Variants in MACROD2 observed in about 807,000 individuals in gnomAD.
MACROD2 encodes the protein mono-ADP ribosylhydrolase 2, also known as ADP-ribose glycohydrolase MACROD2.
Under a neutral mutation model 70.4 loss-of-function variants are expected in MACROD2, and 36 were observed. That is an observed-to-expected ratio of 0.51 (90% CI 0.39 to 0.68). The LOEUF is 0.68. Ranked by LOEUF, MACROD2 falls within the 30% of genes least tolerant of loss-of-function variation. The pLI is 0.00. For missense variants in MACROD2, 496 were observed against 538.4 expected, an observed-to-expected ratio of 0.92 and a Z score of 0.78; for synonymous variants, 172 against 178.8, an observed-to-expected ratio of 0.96 and a Z score of 0.30.
intron 5 of MACROD2, among the ~76,000 whole-genome samples, chr20:15,149,794 C>T (rs2076256132): frequency 6.6e-6 from 1 of 152,002 alleles, no homozygotes; most frequent in South Asian, 2.1e-4. Context: ...TGTAAGAATT[C>T]TGACTGCACA....
intron 6 of MACROD2, among the ~76,000 whole-genome samples, chr20:15,242,719 A>C (rs1435080253): frequency 6.6e-6 from 1 of 152,210 alleles, no homozygotes; most frequent in East Asian, 1.9e-4. Flanking sequence ...TATTTTTAAA[A>C]ATGTAAAAAT....
At chr20:14,883,199 G>T (rs1228731976) in intron 5 of MACROD2, among the ~76,000 whole-genome samples, 1 of 152,142 alleles carries the variant, frequency 6.6e-6, no homozygotes, top group Non-Finnish European at 1.5e-5. Context: ...GTAATTACAT[G>T]TGGGAAATGC....
intron 7 of MACROD2, among the ~76,000 whole-genome samples, chr20:15,477,857 T>C (rs943228017): frequency 1.3e-5 from 2 of 151,620 alleles, no homozygotes; most frequent in African/African-American, 2.4e-5. Context: ...GGCAGGAGGG[T>C]CAGAGTCAGA....
chr20:14,526,854 A>G (rs2085240058), intron 4 of MACROD2, among the ~76,000 whole-genome samples: 1 of 152,228 alleles, frequency 6.6e-6, no homozygotes, highest in Non-Finnish European at 1.5e-5. Context: ...CGTGTGTTAC[A>G]GGGTGCTTTT....
At chr20:15,258,749 A>T (rs552520859) in intron 6 of MACROD2, among the ~76,000 whole-genome samples, 2 of 152,092 alleles carry the variant, frequency 1.3e-5, no homozygotes, top group Non-Finnish European at 2.9e-5. Context: ...TAAAACTAGG[A>T]CTTTCACACA....
chr20:14,122,220 GTC>G, intron 3 of MACROD2, among the ~76,000 whole-genome samples: 1 of 152,232 alleles, frequency 6.6e-6, no homozygotes. Context: ...GATTTGAATT[GTC>G]TCTCTTTTAG....
chr20:14,461,889 G>T (rs2084376908), intron 3 of MACROD2, among the ~76,000 whole-genome samples: 1 of 151,990 alleles, frequency 6.6e-6, no homozygotes, highest in South Asian at 2.1e-4. Context: ...GTCTATCATT[G>T]TTGGACATTT....
Position 15,474,516 on chromosome 20 carries a change from G to C in MACROD2, c.572-25258G>C, listed in dbSNP as rs117801970. Among the ~76,000 whole-genome samples the C allele has an allele frequency of 1.1e-3, 170 of 152,244 alleles. 3 individuals carry two copies. In the East Asian group the frequency reaches 0.027, roughly 24 times the overall value. ...TTCTCATCTTTCTTTGCTTTTTCCT[G>C]CTTCAGAATGCCTAATGTACTCCCA... On this transcript the variant is annotated intron_variant, in intron 7 of 17. Transcript: ENST00000684519.
intron 5 of MACROD2, among the ~76,000 whole-genome samples, chr20:15,074,240 C>T (rs550068206): frequency 3.0e-4 from 45 of 152,262 alleles, no homozygotes; most frequent in African/African-American, 1.0e-3. Flanking sequence ...TCAGCCCCAT[C>T]CTCAACCTCT....
intron 5 of MACROD2, among the ~76,000 whole-genome samples, chr20:14,879,600 G>A (rs976046910): frequency 6.6e-6 from 1 of 152,258 alleles, no homozygotes; most frequent in Admixed American, 6.5e-5. Context: ...AGCCTGCTTT[G>A]TTAGTCCTTT....
At chr20:14,211,591 T>G (rs2081571315) in intron 3 of MACROD2, among the ~76,000 whole-genome samples, 1 of 152,178 alleles carries the variant, frequency 6.6e-6, no homozygotes, top group South Asian at 2.1e-4. Context: ...AGATTGTAAG[T>G]ATGCAGTCTG....
At chr20:14,951,287 CAAGT>C (rs2074473944) in intron 5 of MACROD2, among the ~76,000 whole-genome samples, 1 of 152,012 alleles carries the variant, frequency 6.6e-6, no homozygotes, top group South Asian at 2.1e-4. Flanking sequence ...ACTGGGGTAT[CAAGT>C]AGGTAACTGG....
chr20:15,928,837 AATTTT>A (rs1289736814), intron 10 of MACROD2, among the ~76,000 whole-genome samples: 1 of 152,204 alleles, frequency 6.6e-6, no homozygotes, highest in Non-Finnish European at 1.5e-5. Context: ...TATATCAGCT[AATTTT>A]ACTTTTCAAA....
rs199699858 is a variant in MACROD2 at position 14,865,253 on chromosome 20, T to G, written c.418+180294T>G. 3.0e-4 allele frequency among the ~76,000 whole-genome samples: 46 copies of G among 152,242 alleles called. 1 individual carries two copies. In the East Asian group the frequency reaches 8.5e-3, roughly 28 times the overall value. On this transcript the variant is annotated intron_variant, in intron 5 of 17. Transcript: ENST00000684519. Reference sequence around the variant, plus strand: ...TCTCTGCCTCCATGATGCTATCTCCTGCCAGAGAAGCCTACCAAGGTTCCA... The same window carrying G: ...TCTCTGCCTCCATGATGCTATCTCCGGCCAGAGAAGCCTACCAAGGTTCCA...
intron 10 of MACROD2, among the ~76,000 whole-genome samples, chr20:15,921,643 C>T (rs1262987139): frequency 1.3e-5 from 2 of 152,216 alleles, no homozygotes; most frequent in African/African-American, 2.4e-5. Context: ...CTACAACCTA[C>T]ATTTCCCTTC....
chr20:14,475,790 G>A (rs1489988271), intron 3 of MACROD2, among the ~76,000 whole-genome samples: 1 of 151,906 alleles, frequency 6.6e-6, no homozygotes, highest in African/African-American at 2.4e-5. Context: ...TATGTTATTT[G>A]CTCCTTTTCT....
At chr20:15,766,728 A>G (rs2051533050) in intron 8 of MACROD2, among the ~76,000 whole-genome samples, 1 of 152,338 alleles carries the variant, frequency 6.6e-6, no homozygotes, top group South Asian at 2.1e-4. Context: ...TGGAATTTGC[A>G]ACAATTCTTT....
intron 3 of MACROD2, among the ~76,000 whole-genome samples, chr20:14,381,419 T>A (rs1019655014): frequency 6.6e-6 from 1 of 152,108 alleles, no homozygotes; most frequent in Admixed American, 6.5e-5. Context: ...AAGAAAAAAA[T>A]TTCCAATGAA....
intron 5 of MACROD2, among the ~76,000 whole-genome samples, chr20:15,101,384 G>T (rs886446948): frequency 6.6e-6 from 1 of 151,546 alleles, no homozygotes; most frequent in Non-Finnish European, 1.5e-5. Context: ...TTCTATTTTT[G>T]ATTTATTTGA....
Sources: gnomAD v4.1 joint callset for allele counts (sites outside exome capture counted in the v4.1 genomes callset) on GRCh38, gnomAD v4.1.1 for gene constraint, MANE v1.5 for transcripts, NCBI Gene and HGNC (gene_info 2026-07-23, HGNC 2026-07-21) for gene names.